Variants in STARD10 observed in about 807,000 individuals in gnomAD.
The protein encoded by STARD10 is START domain-containing protein 10.
STARD10 carries 24 observed loss-of-function variants against 36.0 expected under a neutral mutation model. The observed-to-expected ratio is 0.67, with a 90% CI of 0.48 to 0.94. The LOEUF is 0.94. Ranked by LOEUF, STARD10 falls within the 40% of genes least tolerant of loss-of-function variation. The pLI, the probability that STARD10 is intolerant of heterozygous loss-of-function variation, is 0.00. For synonymous variants in STARD10, 156 were observed against 161.9 expected, an observed-to-expected ratio of 0.96 and a Z score of 0.28; for missense variants, 335 against 396.6, an observed-to-expected ratio of 0.84 and a Z score of 1.32.
intron 2 of STARD10, among the ~76,000 whole-genome samples, chr11:72,760,504 G>A (rs564126976): frequency 6.6e-6 from 1 of 152,336 alleles, no homozygotes; most frequent in South Asian, 2.1e-4. Flanking sequence ...GGGATTACAG[G>A]CATAAGCCGC....
chr11:72,787,084 CAAAA>C (rs765529093), intron 1 of STARD10, among the ~76,000 whole-genome samples: 2 of 72,010 alleles, frequency 2.8e-5, no homozygotes, highest in Non-Finnish European at 5.6e-5. Context: ...ACCCTGTGTC[CAAAA>C]AAAAAAAAAA....
At chr11:72,768,395 T>C (rs954749533) in intron 2 of STARD10, among the ~76,000 whole-genome samples, 2 of 151,766 alleles carry the variant, frequency 1.3e-5, no homozygotes, top group African/African-American at 4.8e-5. Flanking sequence ...TGCCTCTGGG[T>C]TTCTGGGGCC....
intron 2 of STARD10, among the ~76,000 whole-genome samples, chr11:72,771,702 C>A (rs1858860589): frequency 6.6e-6 from 1 of 152,156 alleles, no homozygotes; most frequent in South Asian, 2.1e-4. Context: ...TCCACCCCCA[C>A]CTCCACCTCC....
intron 2 of STARD10, among the ~76,000 whole-genome samples, chr11:72,773,790 T>A (rs1308887108): frequency 2.0e-5 from 3 of 152,168 alleles, no homozygotes; most frequent in Non-Finnish European, 2.9e-5. Flanking sequence ...ACAACCATCA[T>A]CTGGTGTCTT....
chr11:72,765,955 T>G (rs905085187), intron 2 of STARD10: 3 of 152,196 alleles, frequency 2.0e-5, no homozygotes, highest in African/African-American at 7.2e-5. Flanking sequence ...CACTCCAGCC[T>G]GGGTGACAGA....
chr11:72,768,456 CA>C (rs34262555), intron 2 of STARD10, among the ~76,000 whole-genome samples: 1,997 of 152,028 alleles, frequency 0.013, 42 homozygotes, highest in African/African-American at 0.046. Context: ...CCCCGCCCCC[CA>C]AAAAAATCCC....
At chr11:72,772,306 GC>G (rs1294621303) in intron 2 of STARD10, among the ~76,000 whole-genome samples, 10 of 151,352 alleles carry the variant, frequency 6.6e-5, no homozygotes, top group Non-Finnish European at 3.0e-5. Context: ...AGTGGGCATG[GC>G]TCTCCCTGTG....
intron 2 of STARD10, among the ~76,000 whole-genome samples, chr11:72,773,202 T>C (rs1335450104): frequency 6.6e-6 from 1 of 152,026 alleles, no homozygotes; most frequent in East Asian, 1.9e-4. Context: ...CCAGTAACCA[T>C]TAAGGGACAG....
At chr11:72,772,651 G>A (rs1858878395) in intron 2 of STARD10, among the ~76,000 whole-genome samples, 1 of 152,090 alleles carries the variant, frequency 6.6e-6, no homozygotes, top group Admixed American at 6.5e-5. Context: ...TCTGCTGTCT[G>A]TCTGTCTGTC....
rs1858989557 is a variant in STARD10 at position 72,781,136 on chromosome 11, C to G, written c.46G>C (p.Val16Leu). ...ASTEPQGPRP[V>L]LGRESVQVPD... ...ACCTGGACACTCTCACGGCCCAGGA[C>G]CGGCCGAGGCCCTTGGGGCTCTGTA... The change falls in exon 2 of 7, where the codon GTC becomes CTC. Residue 16 changes from valine (V) to leucine (L), a missense_variant. Physicochemically the swap from Val to Leu is conservative, Grantham distance 32 (BLOSUM62 1). Coordinates refer to ENST00000334805, the MANE Select transcript of STARD10 (RefSeq NM_006645.3). The surrounding 1 kb of genome is among the most constrained non-coding windows in gnomAD (Gnocchi z 4.7). 1.2e-6 allele frequency: 2 copies of G among 1,613,270 alleles called. No individual in the cohort carries two copies. Among genetic ancestry groups the G allele is most frequent in the Non-Finnish European group, 8.5e-7 (1 of 1,180,016 alleles).
intron 2 of STARD10, among the ~76,000 whole-genome samples, chr11:72,779,497 A>G (rs1044815571): frequency 6.6e-6 from 1 of 152,182 alleles, no homozygotes; most frequent in African/African-American, 2.4e-5. Flanking sequence ...GGGAGGCAGG[A>G]GAATCACTTG....
intron 1 of STARD10, among the ~76,000 whole-genome samples, chr11:72,783,357 C>G (rs1199570223): frequency 1.3e-5 from 2 of 152,134 alleles, no homozygotes; most frequent in East Asian, 3.9e-4. Context: ...GTGGGAGGCA[C>G]AGTCAGATAA....
intron 2 of STARD10, among the ~76,000 whole-genome samples, chr11:72,771,800 T>TG (rs989240062): frequency 5.9e-5 from 9 of 151,388 alleles, no homozygotes; most frequent in Non-Finnish European, 1.0e-4. Context: ...ACTTCTATCC[T>TG]GGGGGGGCGA....
chr11:72,765,730 G>A (rs1008196771), intron 2 of STARD10, among the ~76,000 whole-genome samples: 1 of 151,990 alleles, frequency 6.6e-6, no homozygotes, highest in Admixed American at 6.6e-5. Flanking sequence ...CAGCACTTCG[G>A]GAGGCCGAGG....
At chr11:72,787,640 G>C (rs886739582) in intron 1 of STARD10, among the ~76,000 whole-genome samples, 5 of 152,232 alleles carry the variant, frequency 3.3e-5, no homozygotes, top group Non-Finnish European at 1.5e-5. Flanking sequence ...TTGCGGGGTC[G>C]ATGCGTCCTT....
chr11:72,782,880 T>C (rs963478484), intron 1 of STARD10, among the ~76,000 whole-genome samples: 6 of 152,118 alleles, frequency 3.9e-5, no homozygotes, highest in African/African-American at 1.4e-4. Flanking sequence ...GATGAGCAAC[T>C]AACAGGGCCC....
chr11:72,771,289 GGT>G (rs1858853090), intron 2 of STARD10, among the ~76,000 whole-genome samples: 1 of 152,164 alleles, frequency 6.6e-6, no homozygotes, highest in Non-Finnish European at 1.5e-5. Context: ...GGCTTTTGAG[GGT>G]GTGTGTGGAG....
At chr11:72,783,827 TAGA>T (rs930625994) in intron 1 of STARD10, among the ~76,000 whole-genome samples, 29 of 152,212 alleles carry the variant, frequency 1.9e-4, no homozygotes, top group Middle Eastern at 3.4e-3. Flanking sequence ...GGCAGACTGA[TAGA>T]AGGACTTCCC....
chr11:72,756,732 A>C (rs1858649557), intron 5 of STARD10, among the ~76,000 whole-genome samples: 2 of 152,080 alleles, frequency 1.3e-5, no homozygotes, highest in Non-Finnish European at 2.9e-5. Flanking sequence ...GATGAGAGTC[A>C]TGAGGAGATA....
Sources: allele counts gnomAD v4.1 joint callset (sites outside exome capture counted in the v4.1 genomes callset), GRCh38; gene constraint gnomAD v4.1.1; non-coding constraint Gnocchi (gnomAD v3.1); transcripts MANE v1.5; gene names NCBI Gene and HGNC (gene_info 2026-07-23, HGNC 2026-07-21).